Variants in RIN3 observed in about 807,000 individuals in gnomAD.
RIN3 encodes Ras and Rab interactor 3, also known as RAB5 interacting protein 3.
In RIN3, 54 loss-of-function variants were observed where a neutral mutation model predicts 76.3. That is an observed-to-expected ratio of 0.71 (90% CI 0.57 to 0.89). The LOEUF (loss-of-function observed/expected upper bound fraction) is 0.89, where lower values mean the gene tolerates loss of function less well. Ranked by LOEUF, RIN3 falls within the 40% of genes least tolerant of loss-of-function variation. RIN3 has a pLI of 0.00. For missense variants in RIN3, 1,256 were observed against 1,322.1 expected (o/e 0.95, Z 0.78); for synonymous variants, 576 against 564.0 (o/e 1.02, Z -0.30).
intron 3 of RIN3, among the ~76,000 whole-genome samples, chr14:92,588,576 C>A (rs1884865803): frequency 6.6e-6 from 1 of 151,940 alleles, no homozygotes; most frequent in South Asian, 2.1e-4. Flanking sequence ...AGGGTGGATC[C>A]CTCATGATTC....
At chr14:92,538,101 A>C (rs1421716974) in intron 1 of RIN3, among the ~76,000 whole-genome samples, 1 of 152,050 alleles carries the variant, frequency 6.6e-6, no homozygotes, top group African/African-American at 2.4e-5. Context: ...CTGGGATTAC[A>C]GGCTTGAGCC....
intron 3 of RIN3, among the ~76,000 whole-genome samples, chr14:92,607,945 C>T (rs1158410586): frequency 6.6e-6 from 1 of 152,152 alleles, no homozygotes; most frequent in Admixed American, 6.5e-5. Context: ...TGTGATTCAA[C>T]TTATATGATG....
chr14:92,663,009 C>T (rs1887945258), intron 7 of RIN3, among the ~76,000 whole-genome samples: 1 of 151,904 alleles, frequency 6.6e-6, no homozygotes, highest in South Asian at 2.1e-4. Flanking sequence ...CGGGGTTTCA[C>T]CATGTTGCCC....
intron 3 of RIN3, among the ~76,000 whole-genome samples, chr14:92,581,989 C>CG (rs1246307955): frequency 6.6e-6 from 1 of 152,064 alleles, no homozygotes; most frequent in Non-Finnish European, 1.5e-5. Flanking sequence ...AGACAGCACC[C>CG]GGGGGATGGT....
intron 3 of RIN3, among the ~76,000 whole-genome samples, chr14:92,584,203 T>C (rs766294906): frequency 2.0e-5 from 3 of 152,112 alleles, no homozygotes; most frequent in South Asian, 2.1e-4. Context: ...CAAGGGACAA[T>C]TGTATTTCTC....
intron 4 of RIN3, among the ~76,000 whole-genome samples, chr14:92,628,255 G>A (rs1479171424): frequency 6.6e-6 from 1 of 152,216 alleles, no homozygotes; most frequent in Non-Finnish European, 1.5e-5. Context: ...GCACAAGTGG[G>A]ATCCATGCAA....
In RIN3 at chr14:92,627,452, C is replaced by T. The variant is rs558832802; in HGVS notation, c.440+11973C>T. Reference sequence around the variant, plus strand: ...AACCACAGACAGGACCCACTCACCCCGGACAGCAGTAATGCCTATCACCAT... The same window carrying T: ...AACCACAGACAGGACCCACTCACCCTGGACAGCAGTAATGCCTATCACCAT... On this transcript the variant is annotated intron_variant, in intron 4 of 9. Transcript: ENST00000216487. Among the ~76,000 whole-genome samples the T allele has an allele frequency of 2.9e-4, 44 of 152,344 alleles. No individual in the cohort carries two copies. In the East Asian group the frequency reaches 4.2e-3, roughly 15 times the overall value.
chr14:92,666,955 C>T (rs1888126587), intron 7 of RIN3, among the ~76,000 whole-genome samples: 1 of 152,072 alleles, frequency 6.6e-6, no homozygotes, highest in African/African-American at 2.4e-5. Flanking sequence ...GGATGGAGCA[C>T]ACTAATGACC....
At chr14:92,560,522 G>A (rs984548111) in intron 2 of RIN3, among the ~76,000 whole-genome samples, 1 of 152,162 alleles carries the variant, frequency 6.6e-6, no homozygotes, top group African/African-American at 2.4e-5. Context: ...GATCCTCAGC[G>A]ATTTCTGTCA....
At chr14:92,676,246 G>A (rs1020467194) in intron 7 of RIN3, among the ~76,000 whole-genome samples, 3 of 152,036 alleles carry the variant, frequency 2.0e-5, no homozygotes, top group East Asian at 1.9e-4. Flanking sequence ...CCACCCAGCC[G>A]AGGGCACTTT....
At chr14:92,634,454 A>G (rs563605673) in intron 4 of RIN3, among the ~76,000 whole-genome samples, 1 of 152,332 alleles carries the variant, frequency 6.6e-6, no homozygotes, top group South Asian at 2.1e-4. Context: ...ATAAGGAAAC[A>G]CACACACATC....
intron 7 of RIN3, among the ~76,000 whole-genome samples, chr14:92,666,647 A>G (rs947542919): frequency 2.0e-5 from 3 of 152,186 alleles, no homozygotes; most frequent in African/African-American, 7.2e-5. Context: ...CATCTCTTCT[A>G]TTACTTTGAC....
chr14:92,529,579 A>G (rs1896831598), intron 1 of RIN3, among the ~76,000 whole-genome samples: 2 of 152,206 alleles, frequency 1.3e-5, no homozygotes, highest in South Asian at 2.1e-4. Context: ...ATTCAAGGAC[A>G]TAGGCAGAGT....
intron 1 of RIN3, among the ~76,000 whole-genome samples, chr14:92,544,398 T>G (rs1403805758): frequency 1.3e-5 from 1 of 75,512 alleles, no homozygotes; most frequent in Non-Finnish European, 2.4e-5. Flanking sequence ...TCTGCTCTGG[T>G]GGCTTGTGAC....
At chr14:92,585,464 A>G (rs1884736340) in intron 3 of RIN3, among the ~76,000 whole-genome samples, 1 of 152,156 alleles carries the variant, frequency 6.6e-6, no homozygotes, top group Non-Finnish European at 1.5e-5. Flanking sequence ...ATAACCACCA[A>G]TGCCAGTTAG....
At chr14:92,599,736 C>T (rs1885279271) in intron 3 of RIN3, among the ~76,000 whole-genome samples, 2 of 152,184 alleles carry the variant, frequency 1.3e-5, no homozygotes, top group Non-Finnish European at 1.5e-5. Context: ...TGCTAAACTA[C>T]ACCACATCCT....
chr14:92,657,871 C>T (rs905405489), intron 6 of RIN3, among the ~76,000 whole-genome samples: 9 of 152,176 alleles, frequency 5.9e-5, no homozygotes, highest in South Asian at 4.1e-4. Flanking sequence ...AAGGGCTGTC[C>T]GGGCCTCTGT....
At chr14:92,595,662 A>G (rs533714949) in intron 3 of RIN3, among the ~76,000 whole-genome samples, 1 of 152,302 alleles carries the variant, frequency 6.6e-6, no homozygotes, top group Non-Finnish European at 1.5e-5. Flanking sequence ...AGGCTTCCCC[A>G]GTAACTTGCT....
chr14:92,619,937 A>G (rs1362514025), intron 4 of RIN3, among the ~76,000 whole-genome samples: 1 of 152,202 alleles, frequency 6.6e-6, no homozygotes, highest in Non-Finnish European at 1.5e-5. Flanking sequence ...AGCAAGCCCA[A>G]TATTTGAACA....
Sources: gnomAD v4.1 joint callset for allele counts (sites outside exome capture counted in the v4.1 genomes callset) on GRCh38, gnomAD v4.1.1 for gene constraint, MANE v1.5 for transcripts, NCBI Gene and HGNC (gene_info 2026-07-23, HGNC 2026-07-21) for gene names.